Variants in PTPA observed in about 807,000 individuals in gnomAD.
The protein encoded by PTPA is serine/threonine-protein phosphatase 2A activator.
In PTPA, 13 loss-of-function variants were observed where a neutral mutation model predicts 43.6. The ratio of observed to expected loss-of-function variants is 0.30; its 90% CI spans 0.19 to 0.47. PTPA has a LOEUF of 0.47. PTPA is among the 20% of genes least tolerant of loss of function. The probability of loss-of-function intolerance (pLI) is 0.99; values close to 1 mark genes in which losing one functional copy is unlikely to be tolerated. For missense variants in PTPA, 329 were observed against 411.9 expected (o/e 0.80, Z 1.74); for synonymous variants, 172 against 158.2 (o/e 1.09, Z -0.66).
chr9:129,142,762 C>T (rs1039357284), intron 9 of PTPA: 9 of 1,536,268 alleles, frequency 5.9e-6, no homozygotes, highest in Admixed American at 3.9e-5. Context: ...ACCCCAGCCC[C>T]GAAAAGCTGC....
intron 1 of PTPA, among the ~76,000 whole-genome samples, chr9:129,114,983 C>T (rs978295333): frequency 6.6e-6 from 1 of 152,096 alleles, no homozygotes; most frequent in African/African-American, 2.4e-5. Flanking sequence ...TAAATAATGT[C>T]AGGAGTGCCA....
chr9:129,136,224 C>T (rs1435057682), intron 6 of PTPA, among the ~76,000 whole-genome samples: 1 of 152,224 alleles, frequency 6.6e-6, no homozygotes, highest in Non-Finnish European at 1.5e-5. Flanking sequence ...GCCTCGGCCT[C>T]CCAAAGTGCT....
chr9:129,123,257 A>G, intron 3 of PTPA, 119 bp downstream of exon 3: 1 of 745,578 alleles, frequency 1.3e-6, no homozygotes, highest in Non-Finnish European at 2.3e-6. Flanking sequence ...GCGGCTCACG[A>G]GGTCAGGAGA....
At chr9:129,113,567 G>T (rs747084674) in intron 1 of PTPA, among the ~76,000 whole-genome samples, 2 of 150,946 alleles carry the variant, frequency 1.3e-5, no homozygotes, top group African/African-American at 4.9e-5. Context: ...TCAGGAGTTC[G>T]AGACCAGCCA....
At chr9:129,144,349 G>T (rs1851134159) in intron 9 of PTPA, among the ~76,000 whole-genome samples, 1 of 152,024 alleles carries the variant, frequency 6.6e-6, no homozygotes, top group South Asian at 2.1e-4. Flanking sequence ...CTAGTAATCT[G>T]AAAAAGGGAG....
At chr9:129,134,303 T>TC (rs1313311273) in intron 5 of PTPA, among the ~76,000 whole-genome samples, 1 of 125,114 alleles carries the variant, frequency 8.0e-6, no homozygotes, top group Admixed American at 8.3e-5. Context: ...GTTCTTTTTT[T>TC]TTTTTTTTTT....
chr9:129,123,331 G>C (rs1004589932), intron 3 of PTPA, among the ~76,000 whole-genome samples, 193 bp downstream of exon 3: 3 of 152,072 alleles, frequency 2.0e-5, no homozygotes, highest in African/African-American at 7.2e-5. Flanking sequence ...AATTAGCCGG[G>C]TGTGGTGACG....
intron 5 of PTPA, among the ~76,000 whole-genome samples, chr9:129,134,324 T>TTG (rs1554733072): frequency 6.2e-5 from 6 of 96,400 alleles, no homozygotes; most frequent in East Asian, 3.0e-4. Context: ...TTTTTTTTTT[T>TTG]GAGACAGTCT....
At chr9:129,143,012 G>A (rs1171517689) in intron 9 of PTPA, 12 of 1,148,224 alleles carry the variant, frequency 1.0e-5, no homozygotes, top group Middle Eastern at 3.0e-4. Context: ...GAGGTCTGAG[G>A]GTAGGCCGAG....
At chr9:129,123,588 T>G (rs886211853) in intron 3 of PTPA, among the ~76,000 whole-genome samples, 4 of 152,196 alleles carry the variant, frequency 2.6e-5, no homozygotes, top group African/African-American at 9.6e-5. Context: ...ATATTTCTAA[T>G]TTTTGAAATC....
chr9:129,123,000 G>A (rs3118628), intron 2 of PTPA, 52 bp from the exon 3 acceptor site: 372,681 of 1,374,492 alleles, frequency 0.27, 51,900 homozygotes, highest in Non-Finnish European at 0.3. Context: ...CAGGTGGGGC[G>A]GGGGGGTCTG....
At position 129,120,424 on chromosome 9, in the gene PTPA, C is replaced by CAA. The variant is rs371354137; in HGVS notation, c.32-88_32-87dup. ...GGGCAACAAGAGCAAAACTCCGTCTCAAGAAAAAAAAAAAAGGTGAAAGGG... is the reference window on the plus strand; with the variant it reads ...GGGCAACAAGAGCAAAACTCCGTCTCAAAAGAAAAAAAAAAAAGGTGAAAGGG... On this transcript the variant is annotated intron_variant, in intron 1 of 9. Coordinates refer to ENST00000393370, the MANE Select transcript of PTPA (RefSeq NM_178000.3). The CAA allele has an allele frequency of 4.5e-3, 2,956 of 652,540 alleles. 10 individuals carry two copies. The highest frequency in any genetic ancestry group is 0.017 in the African/African-American group (751 of 43,222). The allele number at this position is 652,540 out of a possible 1,614,324, so 40.4% of individuals were successfully genotyped here. A position where few individuals can be genotyped will look rare whatever the true frequency, so the allele number is the denominator to read the frequency against.
At chr9:129,118,355 T>G (rs1164156984) in intron 1 of PTPA, among the ~76,000 whole-genome samples, 1 of 150,110 alleles carries the variant, frequency 6.7e-6, no homozygotes, top group African/African-American at 2.5e-5. Flanking sequence ...CCCAGCCTAT[T>G]TGGGTTGTTT....
At chr9:129,115,296 G>A (rs752108286) in intron 1 of PTPA, among the ~76,000 whole-genome samples, 5 of 152,128 alleles carry the variant, frequency 3.3e-5, no homozygotes, top group Non-Finnish European at 7.3e-5. Flanking sequence ...TTGGGTTCTG[G>A]GAACAGAGCT....
At chr9:129,116,065 G>A (rs1398950430) in intron 1 of PTPA, among the ~76,000 whole-genome samples, 1 of 151,538 alleles carries the variant, frequency 6.6e-6, no homozygotes, top group East Asian at 2.0e-4. Flanking sequence ...CTGTCGCCTG[G>A]TCTGGAGTGC....
chr9:129,128,665 A>G (rs1337940090), intron 3 of PTPA, among the ~76,000 whole-genome samples: 1 of 152,168 alleles, frequency 6.6e-6, no homozygotes, highest in Non-Finnish European at 1.5e-5. Context: ...GGCTTCCATA[A>G]AGTCTTTTTA....
intron 9 of PTPA, chr9:129,142,899 G>T: frequency 6.7e-7 from 1 of 1,488,372 alleles, no homozygotes; most frequent in South Asian, 1.3e-5. Context: ...CGGGCAGTCT[G>T]AGTCTGGCTC....
At chr9:129,142,338 TTGTGTGTGTG>T in intron 8 of PTPA, 97 bp from the exon 9 acceptor site, 5 of 794,544 alleles carry the variant, frequency 6.3e-6, no homozygotes, top group Non-Finnish European at 9.8e-6. Context: ...GCGTGTGCGT[TTGTGTGTGTG>T]TGTGTGTGCA....
rs934945162 is a variant in PTPA, at chr9:129,147,545, C to T, written c.*81C>T. 2.8e-6 allele frequency: 4 copies of T among 1,416,480 alleles called. No homozygotes were observed. Among genetic ancestry groups the T allele is most frequent in the Admixed American group, 1.8e-5 (1 of 56,516 alleles). The allele number at this position is 1,416,480 out of a possible 1,614,324, so 87.7% of individuals were successfully genotyped here. On this transcript the variant is annotated 3_prime_UTR_variant, in exon 10 of 10. Transcript: ENST00000393370. Reference sequence around the variant, plus strand: ...CCCCAGCAGTGGCCCCTCCCCATCCCCTCCCTCTGTTCGTCCCGTTTGATG... The same window carrying T: ...CCCCAGCAGTGGCCCCTCCCCATCCTCTCCCTCTGTTCGTCCCGTTTGATG...
Sources: allele counts gnomAD v4.1 joint callset (sites outside exome capture counted in the v4.1 genomes callset), GRCh38; gene constraint gnomAD v4.1.1; transcripts MANE v1.5; gene names NCBI Gene and HGNC (gene_info 2026-07-23, HGNC 2026-07-21).